The following ASAP3 variants were observed in gnomAD, a reference collection of about 807,000 sequenced individuals.
ASAP3 encodes ArfGAP with SH3 domain, ankyrin repeat and PH domain 3.
Under a neutral mutation model 118.2 loss-of-function variants are expected in ASAP3, and 85 were observed. That is an observed-to-expected ratio of 0.72 (90% CI 0.60 to 0.86). The LOEUF is 0.86. ASAP3 is among the 40% of genes least tolerant of loss of function. The pLI is 0.00. For synonymous variants in ASAP3, 432 were observed against 477.4 expected (o/e 0.90, Z 1.24); for missense variants, 1,026 against 1,175.0 (o/e 0.87, Z 1.85).
chr1:23,459,690 G>A (rs1641505788), intron 1 of ASAP3, among the ~76,000 whole-genome samples: 2 of 152,272 alleles, frequency 1.3e-5, no homozygotes, highest in Admixed American at 1.3e-4. Context: ...AAGAGGAAGA[G>A]TGGTGCTGGT....
intron 1 of ASAP3, among the ~76,000 whole-genome samples, chr1:23,470,904 C>T (rs479794): frequency 0.055 from 8,343 of 152,258 alleles, 723 homozygotes; most frequent in African/African-American, 0.18. Flanking sequence ...CAGGAGATTG[C>T]TTGGCGGTGA....
chr1:23,433,282 C>A lies in ASAP3; in HGVS notation c.2128-10G>T. On this transcript the variant is annotated splice_polypyrimidine_tract_variant and intron_variant, in intron 21 of 24. Coordinates refer to ENST00000336689, the MANE Select transcript of ASAP3 (RefSeq NM_017707.4). ...GCTTCAGCAAGCAGCGCTGCCAGAG[C>A]AAAAGATTGAGGATGAGGACAGCCT... 1.2e-6 allele frequency: 2 copies of A among 1,604,276 alleles called. No homozygotes were observed. The highest frequency in any genetic ancestry group is 1.7e-6 in the Non-Finnish European group (2 of 1,174,222).
At chr1:23,462,649 C>T (rs1013543859) in intron 1 of ASAP3, among the ~76,000 whole-genome samples, 2 of 152,006 alleles carry the variant, frequency 1.3e-5, no homozygotes, top group Non-Finnish European at 2.9e-5. Context: ...GTCCCAGCTA[C>T]TAGGGAGGCG....
At chr1:23,444,860 T>C in intron 5 of ASAP3, among the ~76,000 whole-genome samples, 1 of 152,022 alleles carries the variant, frequency 6.6e-6, no homozygotes, top group South Asian at 2.1e-4. Flanking sequence ...GCCTGGTGGT[T>C]TGTATGTTTA....
At chr1:23,468,973 A>C (rs910668957) in intron 1 of ASAP3, among the ~76,000 whole-genome samples, 4 of 151,374 alleles carry the variant, frequency 2.6e-5, no homozygotes, top group South Asian at 2.1e-4. Context: ...AACAAAAAAA[A>C]CCCAGGGCTT....
chr1:23,466,320 A>G (rs1230920258), intron 1 of ASAP3, among the ~76,000 whole-genome samples: 1 of 152,248 alleles, frequency 6.6e-6, no homozygotes, highest in Admixed American at 6.5e-5. Context: ...TTTAGATTTC[A>G]TTCAAAGCTA....
At chr1:23,444,212 C>G (rs1018067714) in intron 5 of ASAP3, among the ~76,000 whole-genome samples, 6 of 152,190 alleles carry the variant, frequency 3.9e-5, no homozygotes, top group Admixed American at 1.3e-4. Context: ...GCTTCCCATC[C>G]TTGTAGCTAA....
intron 1 of ASAP3, among the ~76,000 whole-genome samples, chr1:23,483,537 A>C (rs1021164001): frequency 6.6e-6 from 1 of 152,080 alleles, no homozygotes; most frequent in African/African-American, 2.4e-5. Context: ...TTCATTCCAC[A>C]AACGCGGGCC....
chr1:23,441,245 C>T (rs756961420), intron 9 of ASAP3, 34 bp from the exon 10 acceptor site: 2 of 1,612,308 alleles, frequency 1.2e-6, no homozygotes, highest in Non-Finnish European at 1.7e-6. Flanking sequence ...GACCTCAGGG[C>T]ATCTCAGTGG....
At chr1:23,476,410 T>C (rs1253122445) in intron 1 of ASAP3, among the ~76,000 whole-genome samples, 1 of 151,564 alleles carries the variant, frequency 6.6e-6, no homozygotes, top group African/African-American at 2.4e-5. Flanking sequence ...TGCCCACATG[T>C]ACTCCATCGA....
intron 1 of ASAP3, among the ~76,000 whole-genome samples, chr1:23,459,838 A>G (rs1015758669): frequency 6.6e-6 from 1 of 152,208 alleles, no homozygotes; most frequent in African/African-American, 2.4e-5. Context: ...CCTTCCCTGC[A>G]GTGTGGCAGA....
chr1:23,461,817 C>T (rs504145), intron 1 of ASAP3, among the ~76,000 whole-genome samples: 99,339 of 152,044 alleles, frequency 0.65, 36,942 homozygotes, highest in Non-Finnish European at 0.82. Flanking sequence ...TTATGGATGG[C>T]GGAGCAACAA....
intron 1 of ASAP3, among the ~76,000 whole-genome samples, chr1:23,466,388 C>G (rs1641770774): frequency 6.6e-6 from 1 of 152,246 alleles, no homozygotes; most frequent in Admixed American, 6.5e-5. Flanking sequence ...GGCTGAAACA[C>G]ATCTTAGTGT....
intron 20 of ASAP3, 33 bp downstream of exon 20, chr1:23,433,593 A>G (rs1242946146): frequency 2.5e-6 from 4 of 1,614,190 alleles, no homozygotes; most frequent in Non-Finnish European, 3.4e-6. Flanking sequence ...AGAGAGAAAG[A>G]GTCAGGGGCC....
At chr1:23,442,737 G>A in intron 5 of ASAP3, 125 bp from the exon 6 acceptor site, 1 of 1,410,960 alleles carries the variant, frequency 7.1e-7, no homozygotes, top group Non-Finnish European at 9.4e-7. Flanking sequence ...TGTGTGGTGG[G>A]GCTGGGTACA....
At position 23,433,528 on chromosome 1, in the gene ASAP3, T is replaced by G; in HGVS notation, c.2024A>C (p.Glu675Ala). The stretch of plus-strand genomic sequence containing the variant: ...GGCAAAGGTCCCCGCCTGGGCCTGC[T>G]CCAGCTGCCAAAAACAAAGGCTTGG... ...KHHKECEELL[E>A]QAQAGTFAFP... Residue 675 changes from glutamate to alanine, a missense_variant, in exon 21 of 25, where the codon GAG becomes GCG. By Grantham distance (107) the Glu-to-Ala change is moderately radical (BLOSUM62 -1). Transcript: ENST00000336689. The G allele has an allele frequency of 6.2e-7, 1 of 1,614,172 alleles. No individual in the cohort carries two copies. The highest frequency in any genetic ancestry group is 8.5e-7 in the Non-Finnish European group (1 of 1,180,028).
intron 5 of ASAP3, among the ~76,000 whole-genome samples, chr1:23,443,967 C>T (rs183627916): frequency 3.0e-4 from 45 of 152,236 alleles, no homozygotes; most frequent in Admixed American, 9.2e-4. Flanking sequence ...AGGTGATCCA[C>T]CCACCTCAGC....
Position 23,460,761 on chromosome 1 carries a change from C to T in ASAP3, c.130-4567G>A, listed in dbSNP as rs192094835. 4.0e-4 allele frequency among the ~76,000 whole-genome samples: 61 copies of T among 152,228 alleles called. 1 individual carries two copies. In the East Asian group the frequency reaches 8.3e-3, roughly 21 times the overall value. ...TTGAAAACGTATACATACCTGCACACGGATGTTTACATCAGCTTTATTCAT... is the reference window on the plus strand; with the variant it reads ...TTGAAAACGTATACATACCTGCACATGGATGTTTACATCAGCTTTATTCAT... On this transcript the variant is annotated intron_variant, in intron 1 of 24. Coordinates refer to ENST00000336689, the MANE Select transcript of ASAP3 (RefSeq NM_017707.4).
intron 1 of ASAP3, among the ~76,000 whole-genome samples, chr1:23,472,077 G>C (rs1464172477): frequency 8.5e-5 from 13 of 152,168 alleles, no homozygotes; most frequent in Admixed American, 6.5e-4. Flanking sequence ...TCGGGGGCCG[G>C]GGAAAAGGAG....
Sources: gnomAD v4.1 joint callset for allele counts (sites outside exome capture counted in the v4.1 genomes callset) on GRCh38, gnomAD v4.1.1 for gene constraint, MANE v1.5 for transcripts, NCBI Gene and HGNC (gene_info 2026-07-23, HGNC 2026-07-21) for gene names.